Variants in C22orf42 observed in about 807,000 individuals in gnomAD.
The protein encoded by C22orf42 is chromosome 22 open reading frame 42.
C22orf42 carries 24 observed loss-of-function variants against 31.4 expected under a neutral mutation model. The observed-to-expected ratio is 0.77, with a 90% CI of 0.55 to 1.08. The LOEUF is 1.08. C22orf42 is among the 50% of genes least tolerant of loss of function. The pLI, the probability that C22orf42 is intolerant of heterozygous loss-of-function variation, is 0.00. For missense variants in C22orf42, 276 were observed against 327.3 expected (o/e 0.84, Z 1.21); for synonymous variants, 96 against 112.7 (o/e 0.85, Z 0.94).
upstream of C22orf42, chr22:32,159,808 A>G (rs1921494197): frequency 6.3e-6 from 1 of 158,864 alleles, no homozygotes; most frequent in African/African-American, 2.4e-5. Context: ...CTGCGACTTG[A>G]ATGAAACCCT....
rs2149510163 is a variant in C22orf42, at chr22:32,149,541, T to C, written c.755A>G (p.Ter252TrpextTer4). Residue 252 changes from the stop codon to tryptophan (W), a stop_lost, in exon 9 of 9, where the codon TAG becomes TGG. Transcript: ENST00000382097. ...CTGTAATCCCAGCTACTTGGAACACTAAAGCCGGAGAAGTCCTAGAACCTG... is the reference window on the plus strand; with the variant it reads ...CTGTAATCCCAGCTACTTGGAACACCAAAGCCGGAGAAGTCCTAGAACCTG... ...SSQVLGLLRL[*>W] 12 of 1,532,188 alleles carry C rather than the reference T, an allele frequency of 7.8e-6. No homozygotes were observed. Among genetic ancestry groups the C allele is most frequent in the Non-Finnish European group, 1.1e-5 (12 of 1,134,462 alleles). The allele number at this position is 1,532,188 out of a possible 1,614,324, so 94.9% of individuals were successfully genotyped here.
In C22orf42 at chr22:32,152,066, C is replaced by G. The variant is rs139618788; in HGVS notation, c.400+1G>C. 24 of 1,603,466 alleles carry G rather than the reference C, an allele frequency of 1.5e-5. No homozygotes were observed. The highest frequency in any genetic ancestry group is 2.7e-5 in the African/African-American group (2 of 73,908). On this transcript the variant is annotated splice_donor_variant, in intron 4 of 8. Transcript: ENST00000382097. LOFTEE classifies it high-confidence loss of function. ...AAGCTGTTTAAAAAAAAAATACGTA[C>G]GGTGGTCGTGCTTGGCCTCAGGTAT...
chr22:32,153,758 A>C (rs566742858), intron 2 of C22orf42, among the ~76,000 whole-genome samples: 2 of 152,110 alleles, frequency 1.3e-5, no homozygotes, highest in South Asian at 4.1e-4. Context: ...AGCTGTATTC[A>C]TAATTGACCA....
At chr22:32,151,354 T>G in intron 5 of C22orf42, 133 bp downstream of exon 5, 1 of 886,918 alleles carries the variant, frequency 1.1e-6, no homozygotes, top group Non-Finnish European at 1.8e-6. Flanking sequence ...TAACCTCCAG[T>G]GACCGGTCGC....
chr22:32,150,355 T>C lies in C22orf42; in HGVS notation c.618A>G (p.Leu206=), dbSNP rs977758859. 4 of 1,614,118 alleles carry C rather than the reference T, an allele frequency of 2.5e-6. No individual in the cohort carries two copies. Among genetic ancestry groups the C allele is most frequent in the Non-Finnish European group, 3.4e-6 (4 of 1,179,966 alleles). The change falls in exon 7 of 9, where the codon CTA becomes CTG. Residue 206 remains leucine (L), a synonymous_variant. Transcript: ENST00000382097. ...DFMTSGLSES[L]SVSLEDLMTP... is the part of the protein sequence containing the mutation. ...TCATGAGGTCTTCAAGAGAGACAGA[T>C]AGGCTTTCACTGAGACCTGATGTCA...
rs115873206 is a variant in C22orf42 at position 32,150,972 on chromosome 22, G to T, written c.493+20C>A. ...ATGTCAACTACACGTAAATAAAGCTGTTTAAAAAAAAATACGTACGGTGGT... is the reference window on the plus strand; with the variant it reads ...ATGTCAACTACACGTAAATAAAGCTTTTTAAAAAAAAATACGTACGGTGGT... On this transcript the variant is annotated intron_variant, in intron 6 of 8. Coordinates refer to ENST00000382097, the MANE Select transcript of C22orf42 (RefSeq NM_001010859.3). 3,350 of 1,607,934 alleles carry T rather than the reference G, an allele frequency of 2.1e-3. 70 individuals carry two copies. In the African/African-American group the frequency reaches 0.04, roughly 19 times the overall value.
rs5998267 is a variant in C22orf42, at chr22:32,158,998, A to G, written c.218T>C (p.Leu73Pro). The G allele has an allele frequency of 0.49, 786,480 of 1,613,568 alleles. 197,711 individuals are homozygous for G. Among genetic ancestry groups the G allele is most frequent in the African/African-American group, 0.81 (60,831 of 74,960 alleles). The stretch of plus-strand genomic sequence containing the variant: ...GGCTTCTTTACCTTTGGACATCTTC[A>G]GCATCTTCGGCGTCTTCGGGAGGCT... ...YLSLPKTPKMLKMSKGLDARS... is the reference protein window; with the variant it reads ...YLSLPKTPKMPKMSKGLDARS... The change falls in exon 1 of 9, where the codon CTG (leucine) becomes CCG (proline). Residue 73 changes from leucine (L) to proline (P), a missense_variant. Transcript: ENST00000382097.
At position 32,149,286 on chromosome 22, in the gene C22orf42, C is replaced by T. The variant is rs1239318637; in HGVS notation, c.*254G>A. On this transcript the variant is annotated 3_prime_UTR_variant, in exon 9 of 9. Coordinates refer to ENST00000382097, the MANE Select transcript of C22orf42 (RefSeq NM_001010859.3). ...GATGCAGCAGATGGATTGACCCACT[C>T]TGTAATGACCCAGGATGGGGCGGGT... 7 of 255,030 alleles carry T rather than the reference C, an allele frequency of 2.7e-5. No homozygotes were observed. The highest frequency in any genetic ancestry group is 5.1e-5 in the Non-Finnish European group (7 of 135,952). 15.8% of individuals were successfully genotyped at this position (255,030 alleles called of 1,614,324 possible). A position where few individuals can be genotyped will look rare whatever the true frequency, so the allele number is the denominator to read the frequency against.
In C22orf42 at chr22:32,149,476, C is replaced by T; in HGVS notation, c.*64G>A. On this transcript the variant is annotated 3_prime_UTR_variant, in exon 9 of 9. Transcript: ENST00000382097. The stretch of plus-strand genomic sequence containing the variant: ...TTTTTTTCACCCAGATGGAAATATG[C>T]ATTCATAAAATGATTTGAGCTGGGC... The T allele has an allele frequency of 1.4e-6, 2 of 1,443,842 alleles. No homozygotes were observed. The highest frequency in any genetic ancestry group is 1.8e-6 in the Non-Finnish European group (2 of 1,083,072). 89.4% of individuals were successfully genotyped at this position (1,443,842 alleles called of 1,614,324 possible). A position where few individuals can be genotyped will look rare whatever the true frequency, so the allele number is the denominator to read the frequency against.
chr22:32,156,450 T>C (rs1279303313), intron 1 of C22orf42, among the ~76,000 whole-genome samples: 1 of 142,770 alleles, frequency 7.0e-6, no homozygotes, highest in Non-Finnish European at 1.5e-5. Flanking sequence ...TAACATCCTT[T>C]GGAAAACCCA....
intron 4 of C22orf42, 92 bp from the exon 5 acceptor site, chr22:32,151,643 TG>T (rs1920984104): frequency 7.8e-7 from 1 of 1,282,984 alleles, no homozygotes; most frequent in African/African-American, 1.5e-5. Context: ...CTGGAGTGTG[TG>T]GAGGTGGGCG....
At chr22:32,156,260 C>T (rs1428411611) in intron 1 of C22orf42, among the ~76,000 whole-genome samples, 1 of 152,048 alleles carries the variant, frequency 6.6e-6, no homozygotes, top group Non-Finnish European at 1.5e-5. Context: ...TTTTTCAAAC[C>T]TTGAAAAACT....
chr22:32,152,838 C>A (rs143520143), intron 2 of C22orf42, among the ~76,000 whole-genome samples: 7,112 of 152,272 alleles, frequency 0.047, 223 homozygotes, highest in Non-Finnish European at 0.071. Flanking sequence ...CCAGCTAGGG[C>A]AACCTCATCA....
rs1250575531 is a variant in C22orf42, at chr22:32,149,380, A to G, written c.*160T>C. The G allele has an allele frequency of 2.4e-6, 2 of 825,370 alleles. No individual in the cohort carries two copies. The highest frequency in any genetic ancestry group is 3.2e-6 in the Non-Finnish European group (2 of 619,618). The allele number at this position is 825,370 out of a possible 1,614,324, so 51.1% of individuals were successfully genotyped here. ...TGTAAGAACACCAGGCTGCAAGAGG[A>G]CTGGCTGCAGCCACAAACTGCAGGT... On this transcript the variant is annotated 3_prime_UTR_variant, in exon 9 of 9. Transcript: ENST00000382097.
In C22orf42 at chr22:32,152,622, G is replaced by C; in HGVS notation, c.312C>G (p.Pro104=). The C allele has an allele frequency of 6.2e-7, 1 of 1,613,724 alleles. No individual in the cohort carries two copies. The highest frequency in any genetic ancestry group is 8.5e-7 in the Non-Finnish European group (1 of 1,179,648). The change falls in exon 3 of 9, where the codon CCC becomes CCG. Residue 104 remains proline, a synonymous_variant. Coordinates refer to ENST00000382097, the MANE Select transcript of C22orf42 (RefSeq NM_001010859.3). The part of the protein sequence containing the change: ...HGIWPLENIG[P]TEDVQASAHG... The stretch of plus-strand genomic sequence containing the variant: ...GTGCAGACGCCTGCACATCTTCAGT[G>C]GGACCTAGGAGAACACAGAGTGACA...
chr22:32,155,923 G>A (rs1156307039), intron 1 of C22orf42, among the ~76,000 whole-genome samples: 1 of 152,062 alleles, frequency 6.6e-6, no homozygotes, highest in Non-Finnish European at 1.5e-5. Context: ...GTTTACCTAG[G>A]TATGTGGAAG....
chr22:32,150,928 A>G, intron 6 of C22orf42, 64 bp downstream of exon 6: 1 of 1,503,826 alleles, frequency 6.6e-7, no homozygotes. Context: ...CACTTACGTT[A>G]AATGGGTGAA....
rs567400326 is a variant in C22orf42 at position 32,154,225 on chromosome 22, G to T, written c.307+19C>A. The T allele has an allele frequency of 1.6e-5, 26 of 1,607,670 alleles. No homozygotes were observed. The highest frequency in any genetic ancestry group is 2.7e-5 in the African/African-American group (2 of 74,412). On this transcript the variant is annotated intron_variant, in intron 2 of 8. Coordinates refer to ENST00000382097, the MANE Select transcript of C22orf42 (RefSeq NM_001010859.3). ...AATTGTTTGCTTAAATGAACTTAATGATTTAATTTCCACATTACCTATATT... is the reference window on the plus strand; with the variant it reads ...AATTGTTTGCTTAAATGAACTTAATTATTTAATTTCCACATTACCTATATT...
At chr22:32,150,792 T>A in intron 6 of C22orf42, 200 bp downstream of exon 6, 1 of 650,840 alleles carries the variant, frequency 1.5e-6, no homozygotes, top group South Asian at 1.9e-5. Context: ...GATCCAGGGG[T>A]GTGGGAGTTG....
Sources: allele counts gnomAD v4.1 joint callset (sites outside exome capture counted in the v4.1 genomes callset), GRCh38; gene constraint gnomAD v4.1.1; transcripts MANE v1.5; gene names NCBI Gene and HGNC (gene_info 2026-07-23, HGNC 2026-07-21).